RBM47: variants seen among roughly 807,000 people sequenced by gnomAD.
RBM47 encodes RNA binding motif protein 47.
In RBM47, 21 loss-of-function variants were observed where a neutral mutation model predicts 47.1. The ratio of observed to expected loss-of-function variants is 0.45; its 90% CI spans 0.32 to 0.64. The LOEUF (loss-of-function observed/expected upper bound fraction) is 0.64. Ranked by LOEUF, RBM47 falls within the 30% of genes least tolerant of loss-of-function variation. The pLI is 0.05. For missense variants in RBM47, 708 were observed against 870.9 expected (o/e 0.81, Z 2.35); for synonymous variants, 375 against 361.7 (o/e 1.04, Z -0.42).
intron 3 of RBM47, among the ~76,000 whole-genome samples, chr4:40,465,135 C>A (rs867255198): frequency 1.3e-5 from 2 of 152,062 alleles, no homozygotes; most frequent in Non-Finnish European, 2.9e-5. Flanking sequence ...CAAAACCCAG[C>A]CTAGGGAACA....
At chr4:40,442,831 G>A (rs866351140) in intron 3 of RBM47, among the ~76,000 whole-genome samples, 3 of 151,918 alleles carry the variant, frequency 2.0e-5, no homozygotes, top group Non-Finnish European at 4.4e-5. Context: ...ACACCACCAC[G>A]CCCAGCTAAT....
In RBM47 at chr4:40,607,378, A is replaced by G. The variant is rs1735857923; in HGVS notation, c.-240+22018T>C. 5.3e-5 allele frequency among the ~76,000 whole-genome samples: 8 copies of G among 152,300 alleles called. 1 individual carries two copies. In the South Asian group the frequency reaches 1.7e-3, roughly 32 times the overall value. On this transcript the variant is annotated intron_variant, in intron 1 of 6. Coordinates refer to ENST00000295971, the MANE Select transcript of RBM47 (RefSeq NM_001098634.2). ...GAGAGAAATGAGAAGTGATTGCTTA[A>G]TAGGTTTGGACTTTCTTTCTGGGAT...
intron 5 of RBM47, 59 bp from the exon 6 acceptor site, chr4:40,432,921 C>T: frequency 6.4e-7 from 1 of 1,570,682 alleles, no homozygotes; most frequent in Non-Finnish European, 8.6e-7. Flanking sequence ...GAGTGGGGTC[C>T]AGCACTTGCT....
intron 2 of RBM47, among the ~76,000 whole-genome samples, chr4:40,475,152 A>C (rs993780045): frequency 3.9e-5 from 6 of 152,244 alleles, no homozygotes; most frequent in Non-Finnish European, 5.9e-5. Flanking sequence ...TGGTTTGAAA[A>C]CAATGATAAA....
chr4:40,521,276 C>A (rs961945248), intron 2 of RBM47, among the ~76,000 whole-genome samples: 4 of 152,184 alleles, frequency 2.6e-5, no homozygotes, highest in African/African-American at 9.6e-5. Context: ...TCTAGGCTCA[C>A]TGAAACCTCC....
chr4:40,514,415 C>T (rs996830689), intron 2 of RBM47: 1 of 152,178 alleles, frequency 6.6e-6, no homozygotes, highest in African/African-American at 2.4e-5. Context: ...CTTTTGCCCC[C>T]GTCTTCCCCT....
intron 2 of RBM47, among the ~76,000 whole-genome samples, chr4:40,495,792 GTTCC>G (rs1722484802): frequency 6.6e-6 from 1 of 151,360 alleles, no homozygotes; most frequent in African/African-American, 2.4e-5. Context: ...CCTCCTGGAG[GTTCC>G]TTATTTATAA....
At chr4:40,579,197 C>T (rs958187207) in intron 1 of RBM47, among the ~76,000 whole-genome samples, 7 of 150,960 alleles carry the variant, frequency 4.6e-5, no homozygotes, top group Non-Finnish European at 7.4e-5. Flanking sequence ...CCAAGACTGG[C>T]GGATCACGAG....
Position 40,621,814 on chromosome 4 carries a change from G to C in RBM47, c.-240+7582C>G, listed in dbSNP as rs114535918. Among the ~76,000 whole-genome samples the C allele has an allele frequency of 6.2e-3, 941 of 152,308 alleles. 9 individuals carry two copies. The highest frequency in any genetic ancestry group is 0.019 in the African/African-American group (794 of 41,562). On this transcript the variant is annotated intron_variant, in intron 1 of 6. Transcript: ENST00000295971. ...GAGGAGGCTTTGATTTGGAAACAGG[G>C]AAGCTCTGAAATGGGGAAGTGCTGA...
At chr4:40,593,723 A>G (rs1734484268) in intron 1 of RBM47, among the ~76,000 whole-genome samples, 1 of 152,100 alleles carries the variant, frequency 6.6e-6, no homozygotes, top group Non-Finnish European at 1.5e-5. Flanking sequence ...TACTAAAAAT[A>G]CAAAAACAAA....
At chr4:40,606,998 A>T (rs1352273191) in intron 1 of RBM47, among the ~76,000 whole-genome samples, 1 of 152,124 alleles carries the variant, frequency 6.6e-6, no homozygotes, top group Non-Finnish European at 1.5e-5. Flanking sequence ...AAGCCCGCAA[A>T]CATATGTGTT....
chr4:40,620,937 G>A (rs1737210130), intron 1 of RBM47, among the ~76,000 whole-genome samples: 1 of 151,570 alleles, frequency 6.6e-6, no homozygotes, highest in African/African-American at 2.4e-5. Context: ...GGCATAATTT[G>A]TCTGTGTATT....
intron 2 of RBM47, among the ~76,000 whole-genome samples, chr4:40,522,967 CT>C (rs529306760): frequency 0.32 from 37,247 of 116,844 alleles, 6,465 homozygotes; most frequent in African/African-American, 0.56. Context: ...TCTCAAAAAT[CT>C]TTTTTTTTTT....
intron 2 of RBM47, among the ~76,000 whole-genome samples, chr4:40,483,231 T>A (rs1331975000): frequency 6.6e-6 from 1 of 152,186 alleles, no homozygotes; most frequent in East Asian, 1.9e-4. Flanking sequence ...CATGAGCAAA[T>A]GGTAACTTGG....
At chr4:40,508,461 T>C (rs1242077955) in intron 2 of RBM47, among the ~76,000 whole-genome samples, 1 of 152,240 alleles carries the variant, frequency 6.6e-6, no homozygotes, top group African/African-American at 2.4e-5. Context: ...GTCATGTTTT[T>C]AATTCCTGAA....
chr4:40,521,940 C>A (rs957149952), intron 2 of RBM47, among the ~76,000 whole-genome samples: 6 of 152,300 alleles, frequency 3.9e-5, no homozygotes, highest in Admixed American at 2.6e-4. Flanking sequence ...AGCTTGACTG[C>A]TTGTCAGTGA....
intron 2 of RBM47, among the ~76,000 whole-genome samples, chr4:40,480,952 A>G (rs1720302521): frequency 6.6e-6 from 1 of 152,100 alleles, no homozygotes; most frequent in Non-Finnish European, 1.5e-5. Flanking sequence ...CACTTGTGCT[A>G]AGGAAAAGCC....
intron 3 of RBM47, among the ~76,000 whole-genome samples, chr4:40,454,958 T>C (rs1451080749): frequency 6.6e-6 from 1 of 151,916 alleles, no homozygotes; most frequent in East Asian, 1.9e-4. Flanking sequence ...CAATAGCCAG[T>C]GTTAACAGGA....
intron 2 of RBM47, among the ~76,000 whole-genome samples, chr4:40,522,928 ATAAAAGCACTT>A (rs1470841069): frequency 1.3e-4 from 19 of 151,902 alleles, no homozygotes; most frequent in Admixed American, 1.2e-3. Flanking sequence ...TAGAACCCAA[ATAAAAGCACTT>A]TAAAAGCACT....
Sources: gnomAD v4.1 joint callset for allele counts (sites outside exome capture counted in the v4.1 genomes callset) on GRCh38, gnomAD v4.1.1 for gene constraint, MANE v1.5 for transcripts, NCBI Gene and HGNC (gene_info 2026-07-23, HGNC 2026-07-21) for gene names.